The following RYR3 variants were observed in gnomAD, a reference collection of about 807,000 sequenced individuals.
The protein encoded by RYR3 is brain ryanodine receptor-calcium release channel.
Under a neutral mutation model 584.3 loss-of-function variants are expected in RYR3, and 207 were observed. The observed-to-expected ratio is 0.35, with a 90% confidence interval of 0.32 to 0.40. The LOEUF (loss-of-function observed/expected upper bound fraction) is 0.40. Ranked by LOEUF, RYR3 falls within the 10% of genes least tolerant of loss-of-function variation. The probability of loss-of-function intolerance (pLI) is 1.00; values close to 1 mark genes in which losing one functional copy is unlikely to be tolerated. For synonymous variants in RYR3, 2,416 were observed against 2,248.5 expected, an observed-to-expected ratio of 1.07 and a Z score of -2.11; for missense variants, 5,616 against 6,089.2, an observed-to-expected ratio of 0.92 and a Z score of 2.59.
intron 71 of RYR3, 146 bp downstream of exon 71, chr15:33,810,795 T>A: frequency 9.0e-7 from 1 of 1,110,646 alleles, no homozygotes; most frequent in Non-Finnish European, 1.3e-6. Flanking sequence ...CACGCCCTCA[T>A]CTTTAAAACT....
chr15:33,725,128 C>T (rs1330738441), intron 45 of RYR3, among the ~76,000 whole-genome samples: 9 of 149,582 alleles, frequency 6.0e-5, no homozygotes, highest in Non-Finnish European at 4.5e-5. Context: ...TTCTTCCTTC[C>T]TTACTGCCTC....
intron 45 of RYR3, 45 bp from the exon 46 acceptor site, chr15:33,726,341 T>G (rs750634182): frequency 4.4e-6 from 7 of 1,607,892 alleles, no homozygotes; most frequent in Non-Finnish European, 5.9e-6. Flanking sequence ...GAGGGAGGTG[T>G]GGGAACCTCA....
At chr15:33,784,181 C>A (rs561750434) in intron 65 of RYR3, among the ~76,000 whole-genome samples, 1 of 152,334 alleles carries the variant, frequency 6.6e-6, no homozygotes, top group South Asian at 2.1e-4. Context: ...CAGATTCATT[C>A]TCTCCAAGAT....
At chr15:33,611,313 T>G (rs1294964665) in intron 18 of RYR3, among the ~76,000 whole-genome samples, 1 of 152,058 alleles carries the variant, frequency 6.6e-6, no homozygotes, top group South Asian at 2.1e-4. Context: ...TCCTAGCACT[T>G]TGGGAAGCCA....
chr15:33,863,058 C>G (rs530243364), intron 102 of RYR3, among the ~76,000 whole-genome samples: 128 of 150,626 alleles, frequency 8.5e-4, no homozygotes, highest in Non-Finnish European at 1.5e-3. Flanking sequence ...GGTTATAGAC[C>G]AGTGGAAGGA....
At chr15:33,670,595 A>G in intron 38 of RYR3, 39 bp downstream of exon 38, 1 of 1,521,984 alleles carries the variant, frequency 6.6e-7, no homozygotes, top group Non-Finnish European at 8.8e-7. Flanking sequence ...GTGCTCTTCT[A>G]AGACTTAATT....
chr15:33,564,520 C>T (rs1002979879), intron 11 of RYR3, among the ~76,000 whole-genome samples: 4 of 152,170 alleles, frequency 2.6e-5, no homozygotes, highest in Non-Finnish European at 4.4e-5. Flanking sequence ...TGCCACAAAC[C>T]CATCCTCTAT....
chr15:33,677,675 G>A (rs1251164193), intron 38 of RYR3, among the ~76,000 whole-genome samples: 1 of 152,202 alleles, frequency 6.6e-6, no homozygotes, highest in African/African-American at 2.4e-5. Context: ...ATCTGTATCT[G>A]TCTGGCTAGG....
chr15:33,725,532 A>G (rs1206198829), intron 45 of RYR3, among the ~76,000 whole-genome samples: 1 of 152,044 alleles, frequency 6.6e-6, no homozygotes, highest in Non-Finnish European at 1.5e-5. Context: ...GGATCGGGCT[A>G]CTCAAGCCGG....
intron 2 of RYR3, among the ~76,000 whole-genome samples, chr15:33,486,056 G>A (rs2050391687): frequency 6.6e-6 from 1 of 152,104 alleles, no homozygotes; most frequent in South Asian, 2.1e-4. Flanking sequence ...ACAACCCCTA[G>A]GTGTATGACC....
chr15:33,336,794 C>T (rs1397136467), intron 1 of RYR3, among the ~76,000 whole-genome samples: 2 of 150,932 alleles, frequency 1.3e-5, no homozygotes, highest in South Asian at 2.1e-4. Flanking sequence ...TGGTGGCTCA[C>T]GCCTGTAATC....
chr15:33,748,372 G>A, intron 54 of RYR3, 96 bp from the exon 55 acceptor site: 1 of 1,533,602 alleles, frequency 6.5e-7, no homozygotes, highest in South Asian at 1.2e-5. Flanking sequence ...ACCCTGGGGA[G>A]TTTTCAGGAC....
Position 33,660,336 on chromosome 15 carries a change from CCGAGCGTGTGAG to C in RYR3, c.4542_4553del (p.Val1515_Arg1518del). On this transcript the variant is annotated inframe_deletion, in exon 34 of 104. Transcript: ENST00000634891. ...CCCAACAGCTTCCTGAAGGTGGAGA[CCGAGCGTGTGAG>C]CGAGCGCCACGGCTGGGTGGTGCAG... The C allele has an allele frequency of 6.3e-7, 1 of 1,591,962 alleles. No homozygotes were observed. Among genetic ancestry groups the C allele is most frequent in the Non-Finnish European group, 8.5e-7 (1 of 1,169,600 alleles).
intron 1 of RYR3, among the ~76,000 whole-genome samples, chr15:33,414,615 AT>A (rs780344605): frequency 6.1e-4 from 93 of 151,912 alleles, no homozygotes; most frequent in African/African-American, 2.2e-3. Flanking sequence ...AGTAATTTTT[AT>A]TTTTTTTGGA....
intron 64 of RYR3, among the ~76,000 whole-genome samples, chr15:33,774,463 G>T (rs1020287913): frequency 3.3e-5 from 5 of 152,114 alleles, no homozygotes; most frequent in African/African-American, 1.2e-4. Context: ...AAACAAATTG[G>T]TAGTGAACCC....
intron 36 of RYR3, among the ~76,000 whole-genome samples, chr15:33,668,493 C>T (rs1003743444): frequency 6.6e-6 from 1 of 152,050 alleles, no homozygotes; most frequent in African/African-American, 2.4e-5. Context: ...AGAGGAAAAA[C>T]ATGGATGGGA....
intron 16 of RYR3, among the ~76,000 whole-genome samples, chr15:33,586,903 G>A (rs935248764): frequency 1.2e-4 from 19 of 152,066 alleles, no homozygotes; most frequent in Non-Finnish European, 1.3e-4. Context: ...GATATTCAAC[G>A]GCTCAGGAGG....
At position 33,766,802 on chromosome 15, in the gene RYR3, G is replaced by A. The variant is rs187638863; in HGVS notation, c.8706-1856G>A. 1.8e-3 allele frequency among the ~76,000 whole-genome samples: 276 copies of A among 152,300 alleles called. 3 individuals carry two copies. The highest frequency in any genetic ancestry group is 6.2e-3 in the African/African-American group (256 of 41,570). On this transcript the variant is annotated intron_variant, in intron 60 of 103. Transcript: ENST00000634891. ...TCTGCATCTGCAGCCCTTTGCCCGTGGGTCTCAGACTCTCCCTGAGATTCC... is the reference window on the plus strand; with the variant it reads ...TCTGCATCTGCAGCCCTTTGCCCGTAGGTCTCAGACTCTCCCTGAGATTCC...
At chr15:33,485,369 A>AT (rs1431673978) in intron 2 of RYR3, among the ~76,000 whole-genome samples, 1 of 152,300 alleles carries the variant, frequency 6.6e-6, no homozygotes, top group South Asian at 2.1e-4. Flanking sequence ...GAATGGAAGG[A>AT]TTTTTGAAAT....
Sources: allele counts gnomAD v4.1 joint callset (sites outside exome capture counted in the v4.1 genomes callset), GRCh38; gene constraint gnomAD v4.1.1; transcripts MANE v1.5; gene names NCBI Gene and HGNC (gene_info 2026-07-23, HGNC 2026-07-21).